Variants in CNTFR observed in about 807,000 individuals in gnomAD.
The protein encoded by CNTFR is ciliary neurotrophic factor receptor.
Under a neutral mutation model 40.4 loss-of-function variants are expected in CNTFR, and 12 were observed. The ratio of observed to expected loss-of-function variants is 0.30; its 90% CI spans 0.19 to 0.48. The LOEUF (loss-of-function observed/expected upper bound fraction) is 0.48, where lower values mean the gene tolerates loss of function less well. CNTFR is among the 20% of genes least tolerant of loss of function. CNTFR has a pLI of 0.99. For synonymous variants in CNTFR, 202 were observed against 209.6 expected, an observed-to-expected ratio of 0.96 and a Z score of 0.31; for missense variants, 414 against 506.8, an observed-to-expected ratio of 0.82 and a Z score of 1.76.
intron 7 of CNTFR, among the ~76,000 whole-genome samples, chr9:34,553,757 G>A (rs887109582): frequency 3.3e-5 from 5 of 152,214 alleles, no homozygotes; most frequent in South Asian, 4.1e-4. Flanking sequence ...CTGCCTGTCC[G>A]GCGCCCCTTC....
intron 2 of CNTFR, among the ~76,000 whole-genome samples, chr9:34,573,557 C>G (rs918345769): frequency 2.0e-5 from 3 of 152,156 alleles, no homozygotes; most frequent in Non-Finnish European, 4.4e-5. Flanking sequence ...TGGACTCCCC[C>G]CATTGCCAGG....
At chr9:34,554,234 C>T (rs1825747234) in intron 7 of CNTFR, among the ~76,000 whole-genome samples, 1 of 152,136 alleles carries the variant, frequency 6.6e-6, no homozygotes, top group Non-Finnish European at 1.5e-5. Context: ...GCAAAGATAC[C>T]CTCTGGCTGA....
chr9:34,580,669 G>A (rs1827246346), intron 2 of CNTFR, among the ~76,000 whole-genome samples: 1 of 152,194 alleles, frequency 6.6e-6, no homozygotes, highest in Non-Finnish European at 1.5e-5. Flanking sequence ...GGAGAGTCAG[G>A]CTCGGCCCCA....
intron 7 of CNTFR, among the ~76,000 whole-genome samples, chr9:34,553,544 C>G (rs1282488924): frequency 6.6e-6 from 1 of 152,214 alleles, no homozygotes; most frequent in African/African-American, 2.4e-5. Context: ...GCCCAAGGCA[C>G]CTACCAGCCT....
intron 2 of CNTFR, among the ~76,000 whole-genome samples, chr9:34,578,556 G>C (rs928255980): frequency 6.6e-6 from 1 of 152,204 alleles, no homozygotes; most frequent in Non-Finnish European, 1.5e-5. Flanking sequence ...AGCAAGTGGT[G>C]AGAGATGTGG....
At position 34,552,634 on chromosome 9, in the gene CNTFR, G is replaced by A. The variant is rs1280127487; in HGVS notation, c.949+40C>T. 1 of 1,598,222 alleles carries A rather than the reference G, an allele frequency of 6.3e-7. No individual in the cohort carries two copies. Among genetic ancestry groups the A allele is most frequent in the East Asian group, 2.2e-5 (1 of 44,688 alleles). On this transcript the variant is annotated intron_variant, in intron 8 of 9. Coordinates refer to ENST00000378980, the MANE Select transcript of CNTFR (RefSeq NM_147164.3). This position sits in a 1 kb window ranked among gnomAD's most constrained non-coding sequence, Gnocchi z 5.1. ...CCACAGGTTCTACCACAGGCCTCCAGGACAGCAAAGCCAGGAGGTAGGGGC... is the reference window on the plus strand; with the variant it reads ...CCACAGGTTCTACCACAGGCCTCCAAGACAGCAAAGCCAGGAGGTAGGGGC...
rs956423482 is a variant in CNTFR at position 34,589,322 on chromosome 9, C to CCCA, written c.-112+230_-112+232dup. Among the ~76,000 whole-genome samples the CCCA allele has an allele frequency of 5.3e-5, 8 of 152,000 alleles. No homozygotes were observed. Among genetic ancestry groups the CCCA allele is most frequent in the African/African-American group, 1.9e-4 (8 of 41,418 alleles). On this transcript the variant is annotated intron_variant, in intron 1 of 9. Coordinates refer to ENST00000378980, the MANE Select transcript of CNTFR (RefSeq NM_147164.3). This position sits in a 1 kb window ranked among gnomAD's most constrained non-coding sequence, Gnocchi z 4.4. ...CACCTCCCTCTAGTCCACAGTCGGC[C>CCCA]CCACCACCACCACCACGCCCAACCC...
At chr9:34,573,912 G>A (rs187789433) in intron 2 of CNTFR, among the ~76,000 whole-genome samples, 69 of 152,392 alleles carry the variant, frequency 4.5e-4, no homozygotes, top group Admixed American at 3.2e-3. Context: ...AAGGAAATGA[G>A]AGACAGAGCG....
chr9:34,576,448 A>G (rs1826967487), intron 2 of CNTFR, among the ~76,000 whole-genome samples: 1 of 152,202 alleles, frequency 6.6e-6, no homozygotes, highest in African/African-American at 2.4e-5. Context: ...GCAATGGGAA[A>G]CACCCACATA....
chr9:34,556,134 C>T (rs1029679924), intron 7 of CNTFR, 121 bp downstream of exon 7: 37 of 1,163,952 alleles, frequency 3.2e-5, no homozygotes, highest in Middle Eastern at 2.7e-4. Flanking sequence ...CCCTTTTCCC[C>T]GCAGAGAGCC....
At chr9:34,564,853 G>A (rs1281470644) in intron 3 of CNTFR, 21 bp from the exon 4 acceptor site, 5 of 1,606,980 alleles carry the variant, frequency 3.1e-6, no homozygotes, top group South Asian at 1.1e-5. Context: ...TGGGGGCACA[G>A]GGCAAAAGTC....
At position 34,557,033 on chromosome 9, in the gene CNTFR, C is replaced by T. The variant is rs1587122150; in HGVS notation, c.604+493G>A. On this transcript the variant is annotated intron_variant, in intron 6 of 9. Transcript: ENST00000378980. This position sits in a 1 kb window ranked among gnomAD's most constrained non-coding sequence, Gnocchi z 4.2. The stretch of plus-strand genomic sequence containing the variant: ...GGGCAGGCAGAAGGTCTGGCTGGGG[C>T]GGGGGAATAGCAGGCAGAGAGCCTG... 9.6e-6 allele frequency among the ~76,000 whole-genome samples: 1 copy of T among 104,166 alleles called. No individual in the cohort carries two copies. Among genetic ancestry groups the T allele is most frequent in the Admixed American group, 1.3e-4 (1 of 7,772 alleles). 68.3% of individuals were successfully genotyped at this position (104,166 alleles called of 152,430 possible).
chr9:34,587,627 C>G (rs896854772), intron 1 of CNTFR, among the ~76,000 whole-genome samples: 9 of 152,160 alleles, frequency 5.9e-5, no homozygotes, highest in African/African-American at 2.2e-4. Context: ...GTGAATCTGA[C>G]TATGAACCCC....
chr9:34,574,500 G>A (rs1186184440), intron 2 of CNTFR, among the ~76,000 whole-genome samples: 1 of 152,188 alleles, frequency 6.6e-6, no homozygotes, highest in Non-Finnish European at 1.5e-5. Flanking sequence ...AGTCCTCAGG[G>A]GAAATGACCC....
chr9:34,579,059 G>A (rs1009922014), intron 2 of CNTFR, among the ~76,000 whole-genome samples: 8 of 152,166 alleles, frequency 5.3e-5, no homozygotes, highest in Non-Finnish European at 1.2e-4. Context: ...ACATATACAT[G>A]AGCACACGCA....
chr9:34,555,619 T>G (rs1371509574), intron 7 of CNTFR, among the ~76,000 whole-genome samples: 2 of 151,960 alleles, frequency 1.3e-5, no homozygotes, highest in East Asian at 3.9e-4. Context: ...CAGGCTACCT[T>G]CCGACTCACA....
At chr9:34,585,185 T>C (rs964413212) in intron 1 of CNTFR, among the ~76,000 whole-genome samples, 1 of 152,192 alleles carries the variant, frequency 6.6e-6, no homozygotes, top group Non-Finnish European at 1.5e-5. Context: ...ACGAGGTCTG[T>C]GCCAAGGGCA....
At chr9:34,584,313 A>G (rs927531596) in intron 1 of CNTFR, among the ~76,000 whole-genome samples, 1 of 152,156 alleles carries the variant, frequency 6.6e-6, no homozygotes, top group Non-Finnish European at 1.5e-5. Flanking sequence ...GCTCCATATA[A>G]AACAAAGGCT....
intron 3 of CNTFR, among the ~76,000 whole-genome samples, chr9:34,566,962 C>T (rs1459218524): frequency 6.6e-6 from 1 of 152,156 alleles, no homozygotes; most frequent in Non-Finnish European, 1.5e-5. Flanking sequence ...AAGACAACGA[C>T]AGGCCACAGT....
Sources: gnomAD v4.1 joint callset for allele counts (sites outside exome capture counted in the v4.1 genomes callset) on GRCh38, gnomAD v4.1.1 for gene constraint, Gnocchi (gnomAD v3.1) non-coding constraint, MANE v1.5 for transcripts, NCBI Gene and HGNC (gene_info 2026-07-23, HGNC 2026-07-21) for gene names.